The following LAMA1 variants were observed in gnomAD, a reference collection of about 807,000 sequenced individuals.
LAMA1 encodes the protein laminin subunit alpha-1.
A neutral mutation model predicts 348.7 loss-of-function variants in LAMA1; 219 were observed. The observed-to-expected ratio is 0.63, with a 90% confidence interval of 0.56 to 0.70. The LOEUF is 0.70. LAMA1 is among the 30% of genes least tolerant of loss of function. The probability of loss-of-function intolerance (pLI) is 0.00; values close to 1 mark genes in which losing one functional copy is unlikely to be tolerated. For missense variants in LAMA1, 3,744 were observed against 3,888.0 expected (o/e 0.96, Z 0.99); for synonymous variants, 1,487 against 1,491.0 (o/e 1.00, Z 0.06).
chr18:7,095,842 G>A (rs2058258794), intron 1 of LAMA1, among the ~76,000 whole-genome samples: 1 of 152,238 alleles, frequency 6.6e-6, no homozygotes. Flanking sequence ...GCCCAGGCGG[G>A]CAGATCATGA....
chr18:7,096,528 G>A (rs1398514180), intron 1 of LAMA1, among the ~76,000 whole-genome samples: 1 of 151,878 alleles, frequency 6.6e-6, no homozygotes, highest in African/African-American at 2.4e-5. Context: ...GGTAGTGCGT[G>A]TCTGTAGTCC....
intron 1 of LAMA1, among the ~76,000 whole-genome samples, chr18:7,099,071 G>A (rs2058279771): frequency 6.6e-6 from 1 of 151,918 alleles, no homozygotes; most frequent in East Asian, 1.9e-4. Context: ...TGGTTGCCGT[G>A]TCTGTGTAGA....
intron 28 of LAMA1, among the ~76,000 whole-genome samples, chr18:7,007,912 CTTTT>C (rs1463407938): frequency 2.8e-5 from 3 of 107,104 alleles, no homozygotes; most frequent in African/African-American, 1.4e-4. Flanking sequence ...TATTACTCCA[CTTTT>C]ATTTATTTAT....
At chr18:6,953,028 C>T (rs2057555963) in intron 57 of LAMA1, among the ~76,000 whole-genome samples, 1 of 145,558 alleles carries the variant, frequency 6.9e-6, no homozygotes, top group African/African-American at 2.5e-5. Context: ...TGGATCCACG[C>T]CATGGGAGCC....
intron 30 of LAMA1, 39 bp downstream of exon 30, chr18:7,002,225 G>A (rs756819138): frequency 6.2e-7 from 1 of 1,606,276 alleles, no homozygotes; most frequent in Non-Finnish European, 8.5e-7. Context: ...AAGCAGCCCT[G>A]GGCAGCCCAG....
chr18:6,987,985 G>T (rs530014548), intron 36 of LAMA1, among the ~76,000 whole-genome samples: 12 of 152,188 alleles, frequency 7.9e-5, no homozygotes, highest in African/African-American at 2.6e-4. Context: ...ATGGTGGTGC[G>T]TGCCTGTAGT....
At chr18:6,959,282 C>T (rs1196172465) in intron 54 of LAMA1, 59 bp downstream of exon 54, 2 of 1,612,622 alleles carry the variant, frequency 1.2e-6, no homozygotes, top group African/African-American at 1.3e-5. Context: ...AGGTTCCTCC[C>T]ACATTCCCTC....
Position 7,017,322 on chromosome 18 carries a change from C to T in LAMA1, c.2764G>A (p.Asp922Asn), listed in dbSNP as rs371371596. 6.1e-5 allele frequency: 99 copies of T among 1,613,918 alleles called. 1 individual carries two copies. The Middle Eastern group carries it at 8.2e-4, about 13-fold the overall frequency. Residue 922 changes from aspartate to asparagine, a missense_variant, in exon 20 of 63, where the codon GAC (aspartate) becomes AAC (asparagine). Transcript: ENST00000389658. The part of the protein sequence containing the change: ...AVCHLETGLC[D>N]CKPNVTGQQC... The stretch of plus-strand genomic sequence containing the variant: ...TGTCCAGTCACGTTTGGTTTGCAGT[C>T]ACAGAGCCCGGTCTCAAGATGGCAC...
At chr18:6,988,808 T>TTAAAAAAAA (rs1479245320) in intron 36 of LAMA1, among the ~76,000 whole-genome samples, 3 of 100,474 alleles carry the variant, frequency 3.0e-5, no homozygotes, top group Non-Finnish European at 3.8e-5. Flanking sequence ...TCCGTCTCAA[T>TTAAAAAAAA]AAAAAAAAAA....
intron 3 of LAMA1, chr18:7,079,752 T>C (rs1453037055): frequency 3.5e-6 from 2 of 567,508 alleles, no homozygotes; most frequent in Non-Finnish European, 6.3e-6. Flanking sequence ...ATCAACCATA[T>C]GGAAGCAATT....
intron 57 of LAMA1, among the ~76,000 whole-genome samples, chr18:6,951,602 G>A (rs1006453544): frequency 2.0e-5 from 3 of 152,198 alleles, no homozygotes; most frequent in Non-Finnish European, 4.4e-5. Flanking sequence ...TTGAAAGGGG[G>A]AGTGGCCGAG....
intron 10 of LAMA1, 116 bp from the exon 11 acceptor site, chr18:7,039,066 CAAAGT>C: frequency 3.5e-6 from 3 of 863,740 alleles, no homozygotes; most frequent in Non-Finnish European, 5.9e-6. Context: ...AATAAACGTC[CAAAGT>C]AAAGGTGAGG....
intron 3 of LAMA1, 122 bp downstream of exon 3, chr18:7,079,853 G>A: frequency 2.6e-6 from 2 of 760,754 alleles, no homozygotes; most frequent in Non-Finnish European, 4.6e-6. Context: ...CCTTCACCTG[G>A]TGGAAATAGT....
chr18:7,009,862 AG>A (rs1405192610), intron 26 of LAMA1, among the ~76,000 whole-genome samples: 3 of 152,194 alleles, frequency 2.0e-5, no homozygotes, highest in Admixed American at 1.3e-4. Context: ...GCTGGAGTAC[AG>A]TGGCACAATC....
At chr18:7,012,497 A>AT (rs1246700561) in intron 23 of LAMA1, among the ~76,000 whole-genome samples, 11 of 143,576 alleles carry the variant, frequency 7.7e-5, no homozygotes, top group African/African-American at 2.1e-4. Context: ...TATTATTATT[A>AT]TATTATTATT....
chr18:6,977,367 C>A (rs551203643), intron 44 of LAMA1, among the ~76,000 whole-genome samples: 1 of 152,196 alleles, frequency 6.6e-6, no homozygotes, highest in East Asian at 1.9e-4. Context: ...AGAACTAACA[C>A]CACATGCAAC....
At chr18:7,064,855 T>C (rs896581913) in intron 3 of LAMA1, among the ~76,000 whole-genome samples, 1 of 152,202 alleles carries the variant, frequency 6.6e-6, no homozygotes, top group Non-Finnish European at 1.5e-5. Flanking sequence ...ACAATTCTCA[T>C]GATCGTCTTG....
At chr18:7,072,463 T>C (rs1460447447) in intron 3 of LAMA1, among the ~76,000 whole-genome samples, 1 of 152,128 alleles carries the variant, frequency 6.6e-6, no homozygotes, top group Non-Finnish European at 1.5e-5. Flanking sequence ...TGGAACTGCT[T>C]CTGTATTTCC....
intron 3 of LAMA1, among the ~76,000 whole-genome samples, chr18:7,071,279 A>C (rs528804898): frequency 6.6e-6 from 1 of 152,366 alleles, no homozygotes; most frequent in East Asian, 1.9e-4. Flanking sequence ...TGTACCTGCA[A>C]AGAGGCGATC....
Sources: allele counts gnomAD v4.1 joint callset (sites outside exome capture counted in the v4.1 genomes callset), GRCh38; gene constraint gnomAD v4.1.1; transcripts MANE v1.5; gene names NCBI Gene and HGNC (gene_info 2026-07-23, HGNC 2026-07-21).